The following TRPT1 variants were observed in gnomAD, a reference collection of about 807,000 sequenced individuals.
The protein encoded by TRPT1 is tRNA 2'-phosphotransferase 1.
A neutral mutation model predicts 28.4 loss-of-function variants in TRPT1; 22 were observed. The ratio of observed to expected loss-of-function variants is 0.78; its 90% CI spans 0.55 to 1.11. TRPT1 has a LOEUF of 1.11. Ranked by LOEUF, TRPT1 falls within the 50% of genes least tolerant of loss-of-function variation. The pLI, the probability that TRPT1 is intolerant of heterozygous loss-of-function variation, is 0.00. For synonymous variants in TRPT1, 137 were observed against 132.4 expected, an observed-to-expected ratio of 1.03 and a Z score of -0.24; for missense variants, 308 against 317.7, an observed-to-expected ratio of 0.97 and a Z score of 0.23.
chr11:64,226,019 G>A lies in TRPT1; in HGVS notation c.-10+31C>T. On this transcript the variant is annotated intron_variant, in intron 1 of 7. Coordinates refer to ENST00000317459, the MANE Select transcript of TRPT1 (RefSeq NM_001033678.4). ...CACCCCCAAGTCCCTGCTGCAGAGA[G>A]GGAAACTAAGGCCCAGCAGGCCAGA... The A allele has an allele frequency of 6.6e-6, 4 of 604,642 alleles. No individual in the cohort carries two copies. The South Asian group carries it at 7.9e-5, about 12-fold the overall frequency. The allele number at this position is 604,642 out of a possible 1,614,324, so 37.5% of individuals were successfully genotyped here.
chr11:64,225,476 C>T, intron 3 of TRPT1, 23 bp downstream of exon 3: 2 of 1,601,694 alleles, frequency 1.2e-6, no homozygotes, highest in Non-Finnish European at 8.5e-7. Flanking sequence ...GCTCAAGCCC[C>T]AGCCTCCAAG....
chr11:64,225,606 A>T, intron 2 of TRPT1, 26 bp from the exon 3 acceptor site: 1 of 1,595,702 alleles, frequency 6.3e-7, no homozygotes, highest in Non-Finnish European at 8.5e-7. Context: ...GGTGGCCCCT[A>T]GTCTCCATGG....
rs768452863 is a variant in TRPT1, at chr11:64,225,882, G to A, written c.-9-13C>T. 2.5e-5 allele frequency: 37 copies of A among 1,495,800 alleles called. No homozygotes were observed. Among genetic ancestry groups the A allele is most frequent in the South Asian group, 3.6e-5 (3 of 82,988 alleles). The allele number at this position is 1,495,800 out of a possible 1,614,324, so 92.7% of individuals were successfully genotyped here. A position where few individuals can be genotyped will look rare whatever the true frequency, so the allele number is the denominator to read the frequency against. On this transcript the variant is annotated splice_polypyrimidine_tract_variant and intron_variant, in intron 1 of 7. Coordinates refer to ENST00000317459, the MANE Select transcript of TRPT1 (RefSeq NM_001033678.4). The stretch of plus-strand genomic sequence containing the variant: ...TCATGGTTAAGACCTGTGGGGGGCA[G>A]TGACGAGGGGGGACTGCTTTAAGGC...
rs1947006292 is a variant in TRPT1, at chr11:64,226,154, C to G, written c.-114G>C. On this transcript the variant is annotated 5_prime_UTR_variant, in exon 1 of 8. Transcript: ENST00000317459. ...CCGGGAGGCAGGGCCGACGTGCCGA[C>G]GGACCGGGCGGAAGCGTCGGGGCGG... The G allele has an allele frequency of 2.3e-6, 1 of 431,266 alleles. No homozygotes were observed. Among genetic ancestry groups the G allele is most frequent in the Non-Finnish European group, 4.1e-6 (1 of 244,336 alleles). The allele number at this position is 431,266 out of a possible 1,614,324, so 26.7% of individuals were successfully genotyped here.
At chr11:64,225,686 T>C in intron 2 of TRPT1, 100 bp downstream of exon 2, 1 of 1,385,606 alleles carries the variant, frequency 7.2e-7, no homozygotes, top group Non-Finnish European at 1.0e-6. Flanking sequence ...GAGAAAGGAG[T>C]GCCAGTGGTC....
Position 64,223,973 on chromosome 11 carries a change from AAAGAC to A in TRPT1, c.671-11_671-7del. ...AGCCAAGGAAAGGGGCTTTCCTGAT[AAAGAC>A]AAGAGTTGGTTAGAGAAAGGGACAC... On this transcript the variant is annotated splice_region_variant and splice_polypyrimidine_tract_variant and intron_variant, in intron 7 of 7. Coordinates refer to ENST00000317459, the MANE Select transcript of TRPT1 (RefSeq NM_001033678.4). 1 of 1,612,838 alleles carries A rather than the reference AAAGAC, an allele frequency of 6.2e-7. No homozygotes were observed. The highest frequency in any genetic ancestry group is 8.5e-7 in the Non-Finnish European group (1 of 1,179,032).
At chr11:64,225,994 C>T (rs1946993568) in intron 1 of TRPT1, 56 bp downstream of exon 1, 3 of 637,792 alleles carry the variant, frequency 4.7e-6, no homozygotes, top group Admixed American at 5.3e-5. Context: ...TTAAGTTCAC[C>T]ACCCCCAAGT....
At position 64,224,827 on chromosome 11, in the gene TRPT1, G is replaced by C. The variant is rs368767188; in HGVS notation, c.301C>G (p.Arg101Gly). The change falls in exon 4 of 8, where the codon CGG becomes GGG. Residue 101 changes from arginine (R) to glycine (G), a missense_variant. Physicochemically the swap from Arg to Gly is moderately radical, Grantham distance 125. Coordinates refer to ENST00000317459, the MANE Select transcript of TRPT1 (RefSeq NM_001033678.4). ...TGCAGGGAATGGCCCTGGTTGGCCC[G>C]GATGAGAAGGCCAGTGCTGGGATCC... Reference protein sequence around the residue: ...LGDPSTGLLIRANQGHSLQVP... With the variant: ...LGDPSTGLLIGANQGHSLQVP... 6.2e-7 allele frequency: 1 copy of C among 1,613,758 alleles called. No homozygotes were observed. Among genetic ancestry groups the C allele is most frequent in the Non-Finnish European group, 8.5e-7 (1 of 1,179,968 alleles).
chr11:64,224,175 T>C lies in TRPT1; in HGVS notation c.595A>G (p.Ile199Val), dbSNP rs200796315. The part of the protein sequence containing the change: ...IPFFRSANGV[I>V]LTPGNTDGFL... The stretch of plus-strand genomic sequence containing the variant: ...CCATCAGTATTCCCTGGAGTCAGAA[T>C]CACCCCATTGGCAGAGCGGAAGAAG... Residue 199 changes from isoleucine (I) to valine (V), a missense_variant, in exon 7 of 8, where the codon ATT becomes GTT. Ile to Val is a conservative substitution (Grantham distance 29). Coordinates refer to ENST00000317459, the MANE Select transcript of TRPT1 (RefSeq NM_001033678.4). 6.2e-5 allele frequency: 100 copies of C among 1,607,676 alleles called. No homozygotes were observed. Among genetic ancestry groups the C allele is most frequent in the Non-Finnish European group, 8.3e-5 (98 of 1,175,704 alleles).
rs773913933 is a variant in TRPT1 at position 64,224,108 on chromosome 11, C to G, written c.662G>C (p.Arg221Pro). The change falls in exon 7 of 8, where the codon CGC becomes CCC. Residue 221 changes from arginine (R) to proline (P), a missense_variant. Arg to Pro is a moderately radical substitution (Grantham distance 103, BLOSUM62 -2). Coordinates refer to ENST00000317459, the MANE Select transcript of TRPT1 (RefSeq NM_001033678.4). ...PKYFKEALQL[R>P]PTRKPLSLAG... Reference sequence around the variant, plus strand: ...GGGGTGGTGGTTCTCACGGGTAGGGCGTAGCTGCAGGGCCTCCTTGAAGTA... The same window carrying G: ...GGGGTGGTGGTTCTCACGGGTAGGGGGTAGCTGCAGGGCCTCCTTGAAGTA... The G allele has an allele frequency of 6.2e-7, 1 of 1,607,368 alleles. No homozygotes were observed. Among genetic ancestry groups the G allele is most frequent in the African/African-American group, 1.3e-5 (1 of 74,776 alleles).
chr11:64,223,923 T>C lies in TRPT1; in HGVS notation c.715A>G (p.Ser239Gly), dbSNP rs1204883612. The change falls in exon 8 of 8, where the codon AGT (serine) becomes GGT (glycine). Residue 239 changes from serine (S) to glycine (G), a missense_variant. Transcript: ENST00000317459. ...TCTCTGGAGCTGTGCTTGGGGCTACTCTGACACTCTGTCTCTTCATCACCA... is the reference window on the plus strand; with the variant it reads ...TCTCTGGAGCTGTGCTTGGGGCTACCCTGACACTCTGTCTCTTCATCACCA... ...LAGDEETECQ[S>G]SPKHSSRERR... The C allele has an allele frequency of 6.2e-7, 1 of 1,614,084 alleles. No homozygotes were observed. Among genetic ancestry groups the C allele is most frequent in the Non-Finnish European group, 8.5e-7 (1 of 1,179,932 alleles).
At chr11:64,224,780 C>A in intron 4 of TRPT1, 21 bp downstream of exon 4, 1 of 1,612,698 alleles carries the variant, frequency 6.2e-7, no homozygotes, top group South Asian at 1.1e-5. Context: ...TCTCGTCTCG[C>A]ACTTGTCCCC....
At chr11:64,224,238 A>G in intron 6 of TRPT1, 28 bp from the exon 7 acceptor site, 1 of 1,613,576 alleles carries the variant, frequency 6.2e-7, no homozygotes, top group Non-Finnish European at 8.5e-7. Flanking sequence ...GATGTGACTC[A>G]TGCCCTCCCC....
At chr11:64,225,614 T>A (rs1160103709) in intron 2 of TRPT1, 34 bp from the exon 3 acceptor site, 2 of 1,582,986 alleles carry the variant, frequency 1.3e-6, no homozygotes, top group Admixed American at 3.6e-5. Flanking sequence ...CTAGTCTCCA[T>A]GGTGACCCTG....
intron 2 of TRPT1, 31 bp downstream of exon 2, chr11:64,225,755 T>G: frequency 6.6e-7 from 1 of 1,513,866 alleles, no homozygotes; most frequent in Non-Finnish European, 9.0e-7. Context: ...GAGCCTGGAC[T>G]GGTGGGAGGG....
chr11:64,226,180 C>T lies in TRPT1; in HGVS notation c.-140G>A, dbSNP rs987743779. 20 of 399,254 alleles carry T rather than the reference C, an allele frequency of 5.0e-5. No individual in the cohort carries two copies. The highest frequency in any genetic ancestry group is 7.1e-5 in the Non-Finnish European group (16 of 226,758). 24.7% of individuals were successfully genotyped at this position (399,254 alleles called of 1,614,324 possible). A position where few individuals can be genotyped will look rare whatever the true frequency, so the allele number is the denominator to read the frequency against. ...GGACCGGGCGGAAGCGTCGGGGCGG[C>T]GGGGACAAACCTCCAGGATCCTCGA... On this transcript the variant is annotated 5_prime_UTR_variant, in exon 1 of 8. Transcript: ENST00000317459.
At position 64,224,980 on chromosome 11, in the gene TRPT1, G is replaced by C; in HGVS notation, c.158-10C>G. The C allele has an allele frequency of 6.4e-7, 1 of 1,551,650 alleles. No homozygotes were observed. Among genetic ancestry groups the C allele is most frequent in the Non-Finnish European group, 8.7e-7 (1 of 1,148,490 alleles). ...AGGGGCACGAAGCCATCTGTGGGCA[G>C]GCAGGGTGCTCAGGAGCTAACCTTG... On this transcript the variant is annotated splice_polypyrimidine_tract_variant and intron_variant, in intron 3 of 7. Transcript: ENST00000317459.
intron 3 of TRPT1, 156 bp from the exon 4 acceptor site, chr11:64,225,126 T>A: frequency 2.5e-6 from 2 of 815,462 alleles, no homozygotes; most frequent in Non-Finnish European, 3.7e-6. Context: ...GGGCCGCAGT[T>A]TTTTCAACTT....
downstream of TRPT1, chr11:64,223,809 T>G (rs1467798252): frequency 8.6e-7 from 1 of 1,165,034 alleles, no homozygotes. Flanking sequence ...TACAGGATGA[T>G]GAAACATGGT....
Sources: gnomAD v4.1 joint callset for allele counts on GRCh38, gnomAD v4.1.1 for gene constraint, MANE v1.5 for transcripts, NCBI Gene and HGNC (gene_info 2026-07-23, HGNC 2026-07-21) for gene names.